VWF: variants seen among roughly 807,000 people sequenced by gnomAD.
The protein encoded by VWF is Factor VIII related antigen.
Under a neutral mutation model 308.6 loss-of-function variants are expected in VWF, and 176 were observed. The observed-to-expected ratio is 0.57, with a 90% CI of 0.50 to 0.65. VWF has a LOEUF of 0.65. VWF is among the 30% of genes least tolerant of loss of function. The pLI is 0.00. For missense variants in VWF, 3,146 were observed against 3,648.2 expected, an observed-to-expected ratio of 0.86 and a Z score of 3.55; for synonymous variants, 1,385 against 1,443.4, an observed-to-expected ratio of 0.96 and a Z score of 0.92.
intron 34 of VWF, among the ~76,000 whole-genome samples, chr12:6,006,515 T>C (rs368332514): frequency 1.3e-5 from 2 of 152,316 alleles, no homozygotes; most frequent in East Asian, 1.9e-4. Context: ...CGGTGGCTCA[T>C]GTCTGTGATC....
At chr12:6,091,824 C>T (rs2283330) in intron 6 of VWF, among the ~76,000 whole-genome samples, 12,508 of 152,262 alleles carry the variant, frequency 0.082, 1,714 homozygotes, top group African/African-American at 0.28. Flanking sequence ...CAATGTGACC[C>T]GAACAGGAAA....
At chr12:6,064,197 G>A in intron 12 of VWF, 49 bp downstream of exon 12, 2 of 1,613,798 alleles carry the variant, frequency 1.2e-6, no homozygotes, top group Non-Finnish European at 1.7e-6. Flanking sequence ...AGGGTGCTAA[G>A]GGATGGGCTG....
chr12:6,120,578 C>G (rs1945418245), intron 3 of VWF, among the ~76,000 whole-genome samples: 2 of 152,152 alleles, frequency 1.3e-5, no homozygotes, highest in Admixed American at 1.3e-4. Flanking sequence ...ACTGGGATTA[C>G]AGGCATGAGC....
intron 16 of VWF, among the ~76,000 whole-genome samples, chr12:6,050,185 C>T (rs1002100915): frequency 4.6e-5 from 7 of 152,154 alleles, no homozygotes; most frequent in African/African-American, 1.7e-4. Context: ...GCTGTTCTTG[C>T]GTCACTGTCC....
chr12:6,001,374 A>G (rs1031546281), intron 34 of VWF, among the ~76,000 whole-genome samples: 6 of 152,238 alleles, frequency 3.9e-5, no homozygotes, highest in Non-Finnish European at 5.9e-5. Context: ...GCAAGACCCA[A>G]CTATTGCTAT....
intron 42 of VWF, among the ~76,000 whole-genome samples, chr12:5,980,158 T>TGAAG (rs1943586682): frequency 4.1e-5 from 1 of 24,456 alleles, no homozygotes; most frequent in Non-Finnish European, 8.0e-5. Flanking sequence ...AGGGAGGGAG[T>TGAAG]GAGGGAGGGA....
In VWF at chr12:6,087,376, T is replaced by TTG. The variant is rs1565384403; in HGVS notation, c.657+8083_657+8084insCA. 4.9e-4 allele frequency among the ~76,000 whole-genome samples: 64 copies of TTG among 129,300 alleles called. 2 individuals are homozygous for TTG. Among genetic ancestry groups the TTG allele is most frequent in the Non-Finnish European group, 6.1e-4 (35 of 56,996 alleles). 84.8% of individuals were successfully genotyped at this position (129,300 alleles called of 152,430 possible). A position where few individuals can be genotyped will look rare whatever the true frequency, so the allele number is the denominator to read the frequency against. ...ACTCTTTTTTTTTTTTTTTTTTTTT[T>TTG]GAGACAGAGTCTCACCCTGTCGCCC... On this transcript the variant is annotated intron_variant, in intron 6 of 51. Coordinates refer to ENST00000261405, the MANE Select transcript of VWF (RefSeq NM_000552.5).
chr12:6,095,639 T>C, intron 5 of VWF, 55 bp from the exon 6 acceptor site: 2 of 1,613,346 alleles, frequency 1.2e-6, no homozygotes, highest in Non-Finnish European at 1.7e-6. Context: ...TCCCAGAACT[T>C]CTGGGTGAAA....
At position 6,029,386 on chromosome 12, in the gene VWF, C is replaced by A; in HGVS notation, c.2923G>T (p.Asp975Tyr). 1.2e-6 allele frequency: 2 copies of A among 1,614,128 alleles called. No individual in the cohort carries two copies. Among genetic ancestry groups the A allele is most frequent in the Non-Finnish European group, 1.7e-6 (2 of 1,180,024 alleles). ...ACCACGGAGATGCTCAGGTGGCGGT[C>A]CCAGACCACGGAGAGGGCTTTGCCC... ...LLGKALSVVW[D>Y]RHLSISVVLK... The change falls in exon 22 of 52, where the codon GAC becomes TAC. Residue 975 changes from aspartate to tyrosine, a missense_variant. Transcript: ENST00000261405.
At chr12:5,972,595 T>C (rs1309409913) in intron 43 of VWF, among the ~76,000 whole-genome samples, 11 of 152,154 alleles carry the variant, frequency 7.2e-5, no homozygotes, top group Admixed American at 7.2e-4. Context: ...GCACAACACG[T>C]GTGCCTCTCT....
intron 34 of VWF, among the ~76,000 whole-genome samples, chr12:6,003,684 G>A (rs1296582192): frequency 6.6e-6 from 1 of 152,132 alleles, no homozygotes; most frequent in African/African-American, 2.4e-5. Context: ...TTGTTGCCAG[G>A]GGCTGGAGGA....
Position 6,064,393 on chromosome 12 carries a change from A to C in VWF, c.1294-9T>G, listed in dbSNP as rs749415674. The C allele has an allele frequency of 6.8e-6, 11 of 1,613,988 alleles. No individual in the cohort carries two copies. In the South Asian group the frequency reaches 1.2e-4, roughly 18 times the overall value. The stretch of plus-strand genomic sequence containing the variant: ...TCGCGGTCATCAGCACACTGCCAAG[A>C]GGGAACACAGGGTGACTTTGCTGCA... On this transcript the variant is annotated splice_polypyrimidine_tract_variant and intron_variant, in intron 11 of 51. Coordinates refer to ENST00000261405, the MANE Select transcript of VWF (RefSeq NM_000552.5).
chr12:6,001,870 GTAGAAC>G (rs1460263895), intron 34 of VWF, among the ~76,000 whole-genome samples: 1 of 152,010 alleles, frequency 6.6e-6, no homozygotes, highest in East Asian at 1.9e-4. Flanking sequence ...CTTCCACAAA[GTAGAAC>G]TATTACAGAT....
At chr12:6,123,264 A>C in intron 1 of VWF, 68 bp from the exon 2 acceptor site, 1 of 1,557,698 alleles carries the variant, frequency 6.4e-7, no homozygotes, top group Non-Finnish European at 8.9e-7. Flanking sequence ...TGTGGCGACT[A>C]TCAGGGCATG....
At position 5,993,979 on chromosome 12, in the gene VWF, C is replaced by T. The variant is rs1238375177; in HGVS notation, c.6481G>A (p.Ala2161Thr). ...TGGCAACTGTCCTGCTGGCAGATGG[C>T]ATAGAATGTGGCTGGAGCCAGGACC... ...HKVLAPATFYAICQQDSCHQE... is the reference protein window; with the variant it reads ...HKVLAPATFYTICQQDSCHQE... The change falls in exon 37 of 52, where the codon GCC becomes ACC. Residue 2161 changes from alanine (A) to threonine (T), a missense_variant. This residue lies in a region of VWF where 989 missense variants were observed against 1,117.4 expected (regional missense o/e 0.89). Coordinates refer to ENST00000261405, the MANE Select transcript of VWF (RefSeq NM_000552.5). 1.2e-6 allele frequency: 2 copies of T among 1,614,168 alleles called. No homozygotes were observed. The highest frequency in any genetic ancestry group is 1.1e-5 in the South Asian group (1 of 91,086).
chr12:6,051,293 T>C (rs754824917), intron 16 of VWF, among the ~76,000 whole-genome samples: 12 of 28,790 alleles, frequency 4.2e-4, no homozygotes, highest in South Asian at 2.4e-3. Flanking sequence ...TTTCTTTTTT[T>C]TTTTTTTTTT....
chr12:6,062,617 G>A (rs946822802), intron 13 of VWF, among the ~76,000 whole-genome samples: 4 of 152,132 alleles, frequency 2.6e-5, no homozygotes, highest in African/African-American at 9.7e-5. Context: ...TGCCCACAGT[G>A]GGCACCCAGG....
Position 6,064,469 on chromosome 12 carries a change from G to T in VWF, c.1294-85C>A, listed in dbSNP as rs534879594. 4.2e-4 allele frequency: 657 copies of T among 1,571,110 alleles called. 4 individuals are homozygous for T. In the South Asian group the frequency reaches 6.8e-3, roughly 16 times the overall value. On this transcript the variant is annotated intron_variant, in intron 11 of 51. Coordinates refer to ENST00000261405, the MANE Select transcript of VWF (RefSeq NM_000552.5). ...CCAGGACCCTCTTAATCAGAGAAAG[G>T]CCTCAACCCGAGAGCCTCTGGCCTT...
Position 5,996,226 on chromosome 12 carries a change from G to A in VWF, c.5843-4C>T. 6.2e-7 allele frequency: 1 copy of A among 1,609,374 alleles called. No homozygotes were observed. The highest frequency in any genetic ancestry group is 8.5e-7 in the Non-Finnish European group (1 of 1,177,988). On this transcript the variant is annotated splice_polypyrimidine_tract_variant and splice_region_variant and intron_variant, in intron 34 of 51. Transcript: ENST00000261405. ...GTGGAGCTGCCTGTGCACACGCCTGGACAGAGAGAAGCAGAGGATGGATGC... is the reference window on the plus strand; with the variant it reads ...GTGGAGCTGCCTGTGCACACGCCTGAACAGAGAGAAGCAGAGGATGGATGC...
Sources: allele counts gnomAD v4.1 joint callset (sites outside exome capture counted in the v4.1 genomes callset), GRCh38; gene constraint gnomAD v4.1.1; regional missense constraint gnomAD v4.1.1; transcripts MANE v1.5; gene names NCBI Gene and HGNC (gene_info 2026-07-23, HGNC 2026-07-21).